The following PARD3 variants were observed in gnomAD, a reference collection of about 807,000 sequenced individuals.
The protein encoded by PARD3 is partitioning defective 3 homolog.
PARD3 carries 75 observed loss-of-function variants against 155.4 expected under a neutral mutation model. The observed-to-expected ratio is 0.48, with a 90% CI of 0.40 to 0.58. PARD3 has a LOEUF of 0.58. PARD3 is among the 20% of genes least tolerant of loss of function. The pLI, the probability that PARD3 is intolerant of heterozygous loss-of-function variation, is 0.00. For synonymous variants in PARD3, 576 were observed against 610.5 expected, an observed-to-expected ratio of 0.94 and a Z score of 0.83; for missense variants, 1,642 against 1,721.7, an observed-to-expected ratio of 0.95 and a Z score of 0.82.
At chr10:34,282,873 G>T (rs1956221192) in intron 21 of PARD3, among the ~76,000 whole-genome samples, 1 of 152,030 alleles carries the variant, frequency 6.6e-6, no homozygotes, top group Non-Finnish European at 1.5e-5. Context: ...AATAAGTTTG[G>T]GAATCCCAAA....
chr10:34,756,113 C>T (rs112130002), intron 1 of PARD3, among the ~76,000 whole-genome samples: 6 of 151,398 alleles, frequency 4.0e-5, no homozygotes, highest in African/African-American at 1.5e-4. Flanking sequence ...ACCCCTCACC[C>T]TCCCTCCTCC....
intron 22 of PARD3, among the ~76,000 whole-genome samples, chr10:34,188,617 A>G (rs1950579641): frequency 1.3e-5 from 2 of 152,220 alleles, no homozygotes; most frequent in African/African-American, 4.8e-5. Context: ...CTATTCTGAA[A>G]TAATACCAGA....
At chr10:34,352,969 A>G (rs923577697) in intron 14 of PARD3, among the ~76,000 whole-genome samples, 2 of 145,748 alleles carry the variant, frequency 1.4e-5, no homozygotes, top group Admixed American at 6.8e-5. Context: ...CCCATCTGGG[A>G]TGTGAGGAGT....
At chr10:34,567,436 CAAT>C (rs1202703185) in intron 2 of PARD3, among the ~76,000 whole-genome samples, 1 of 151,994 alleles carries the variant, frequency 6.6e-6, no homozygotes, top group Non-Finnish European at 1.5e-5. Context: ...CTGTGATTAC[CAAT>C]ATTATAAACA....
intron 3 of PARD3, among the ~76,000 whole-genome samples, chr10:34,483,052 A>G (rs569972999): frequency 6.6e-6 from 1 of 151,972 alleles, no homozygotes; most frequent in Non-Finnish European, 1.5e-5. Flanking sequence ...GCTACTCAGG[A>G]GGTTGAGGCA....
intron 20 of PARD3, among the ~76,000 whole-genome samples, chr10:34,315,847 G>C (rs1343801110): frequency 6.6e-6 from 1 of 152,212 alleles, no homozygotes; most frequent in Non-Finnish European, 1.5e-5. Flanking sequence ...AGCACTGAGA[G>C]ACAGAAATCT....
At chr10:34,519,040 G>A (rs892152265) in intron 2 of PARD3, among the ~76,000 whole-genome samples, 13 of 152,090 alleles carry the variant, frequency 8.5e-5, no homozygotes, top group African/African-American at 1.4e-4. Flanking sequence ...CCATCTAATC[G>A]TGAGGAAACA....
chr10:34,287,830 A>C (rs756706463), intron 20 of PARD3, among the ~76,000 whole-genome samples: 16 of 152,238 alleles, frequency 1.1e-4, no homozygotes, highest in Middle Eastern at 6.3e-3. Context: ...AATATTAATT[A>C]GTTTCCTAGA....
At chr10:34,224,354 C>G (rs1183168993) in intron 22 of PARD3, among the ~76,000 whole-genome samples, 1 of 152,210 alleles carries the variant, frequency 6.6e-6, no homozygotes, top group Admixed American at 6.5e-5. Context: ...AATATTTCTT[C>G]TTCTTTCATC....
chr10:34,304,339 A>T (rs1243109961), intron 20 of PARD3, among the ~76,000 whole-genome samples: 2 of 97,734 alleles, frequency 2.0e-5, no homozygotes, highest in Non-Finnish European at 2.0e-5. Flanking sequence ...CTACAAAATT[A>T]AAAAAAAAAA....
chr10:34,218,413 G>A (rs954148277), intron 22 of PARD3, among the ~76,000 whole-genome samples: 1 of 152,130 alleles, frequency 6.6e-6, no homozygotes, highest in African/African-American at 2.4e-5. Context: ...TGATCACCCT[G>A]AAGATGTGAG....
chr10:34,222,045 T>C (rs1001913471), intron 22 of PARD3, among the ~76,000 whole-genome samples: 3 of 152,240 alleles, frequency 2.0e-5, no homozygotes, highest in African/African-American at 7.2e-5. Flanking sequence ...ACCTCTAGCA[T>C]TGCACTATAT....
chr10:34,627,545 G>A (rs1217491709), intron 2 of PARD3, among the ~76,000 whole-genome samples: 1 of 152,188 alleles, frequency 6.6e-6, no homozygotes, highest in Non-Finnish European at 1.5e-5. Context: ...AAGACGCAAA[G>A]GGAAGATGCT....
At chr10:34,344,932 A>G (rs980832937) in intron 15 of PARD3, 3 of 985,304 alleles carry the variant, frequency 3.0e-6, no homozygotes, top group African/African-American at 3.5e-5. Context: ...TCCCCGACAT[A>G]TAAGGTAAGT....
intron 21 of PARD3, among the ~76,000 whole-genome samples, chr10:34,277,939 G>A (rs1955967787): frequency 6.6e-6 from 1 of 152,088 alleles, no homozygotes; most frequent in African/African-American, 2.4e-5. Flanking sequence ...ATAAGATCTA[G>A]CTCCCAAACT....
intron 21 of PARD3, among the ~76,000 whole-genome samples, chr10:34,271,174 A>G (rs897861944): frequency 1.3e-5 from 2 of 152,198 alleles, no homozygotes; most frequent in African/African-American, 2.4e-5. Context: ...AAAACAATAC[A>G]TAAACATATA....
At chr10:34,134,394 C>T (rs1014776467) in intron 22 of PARD3, among the ~76,000 whole-genome samples, 2 of 152,160 alleles carry the variant, frequency 1.3e-5, no homozygotes, top group African/African-American at 2.4e-5. Flanking sequence ...TATTTTCATG[C>T]AGCACAGAGA....
chr10:34,269,513 C>G (rs1955508270), intron 22 of PARD3, 144 bp downstream of exon 22: 1 of 822,234 alleles, frequency 1.2e-6, no homozygotes, highest in Admixed American at 2.7e-5. Context: ...TGTGTAAACT[C>G]AATACTTTTA....
chr10:34,188,200 C>T (rs2133243588), intron 22 of PARD3, among the ~76,000 whole-genome samples: 1 of 152,260 alleles, frequency 6.6e-6, no homozygotes, highest in South Asian at 2.1e-4. Context: ...AATGGAATCG[C>T]CTGAGTTGGA....
Sources: allele counts gnomAD v4.1 joint callset (sites outside exome capture counted in the v4.1 genomes callset), GRCh38; gene constraint gnomAD v4.1.1; transcripts MANE v1.5; gene names NCBI Gene and HGNC (gene_info 2026-07-23, HGNC 2026-07-21).